SV2B: variants seen among roughly 807,000 people sequenced by gnomAD.
The protein encoded by SV2B is synaptic vesicle glycoprotein 2B, also known as solute carrier family 22 member B2.
SV2B carries 41 observed loss-of-function variants against 73.9 expected under a neutral mutation model. The observed-to-expected ratio is 0.56, with a 90% CI of 0.43 to 0.72. The LOEUF (loss-of-function observed/expected upper bound fraction) is 0.72. SV2B is among the 30% of genes least tolerant of loss of function. The pLI, the probability that SV2B is intolerant of heterozygous loss-of-function variation, is 0.00. For missense variants in SV2B, 764 were observed against 857.8 expected (o/e 0.89, Z 1.37); for synonymous variants, 314 against 314.2 (o/e 1.00, Z 0.01).
chr15:91,234,231 C>T lies in SV2B; in HGVS notation c.451+7517C>T, dbSNP rs1249638621. Among the ~76,000 whole-genome samples, 1 of 152,206 alleles carries T rather than the reference C, an allele frequency of 6.6e-6. No homozygotes were observed. Among genetic ancestry groups the T allele is most frequent in the African/African-American group, 2.4e-5 (1 of 41,444 alleles). ...ATTTTTCATTTCAGACTTACTCACC[C>T]TCACTTGGAGGGTTCAGAGGACACA... On this transcript the variant is annotated intron_variant, in intron 2 of 12. Coordinates refer to ENST00000394232, the MANE Select transcript of SV2B (RefSeq NM_001323032.3). The surrounding 1 kb of genome is among the most constrained non-coding windows in gnomAD (Gnocchi z 5.6).
In SV2B at chr15:91,284,269, T is replaced by G. The variant is rs1199237055; in HGVS notation, c.1708+48T>G. The G allele has an allele frequency of 1.9e-6, 3 of 1,597,730 alleles. No homozygotes were observed. Among genetic ancestry groups the G allele is most frequent in the Non-Finnish European group, 2.6e-6 (3 of 1,166,226 alleles). ...CCTGGGTTCCAACGCGCTGGGGTGG[T>G]GACTTTCAAGTGTATTAAACAGGGA... is the stretch of plus-strand genomic sequence containing the variant. On this transcript the variant is annotated intron_variant, in intron 11 of 12. Coordinates refer to ENST00000394232, the MANE Select transcript of SV2B (RefSeq NM_001323032.3). The surrounding 1 kb of genome is among the most constrained non-coding windows in gnomAD (Gnocchi z 4.5).
chr15:91,131,453 G>A (rs2042646583), intron 1 of SV2B, among the ~76,000 whole-genome samples: 1 of 152,056 alleles, frequency 6.6e-6, no homozygotes, highest in Non-Finnish European at 1.5e-5. Context: ...GTGTGTGTAT[G>A]TGTATATGTA....
At chr15:91,181,286 G>C (rs1301455160) in intron 1 of SV2B, among the ~76,000 whole-genome samples, 1 of 150,256 alleles carries the variant, frequency 6.7e-6, no homozygotes, top group Non-Finnish European at 1.5e-5. Context: ...GGCCATATGA[G>C]GTGTCAGTCT....
rs2048056755 is a variant in SV2B at position 91,265,141 on chromosome 15, C to T, written c.1009-1441C>T. On this transcript the variant is annotated intron_variant, in intron 6 of 12. Transcript: ENST00000394232. This position sits in a 1 kb window ranked among gnomAD's most constrained non-coding sequence, Gnocchi z 4.2. ...TTACCTGTTTTACTCCTGTGCGTGT[C>T]CCATCAGCAGACGTGCTCATAGATG... 6.6e-6 allele frequency among the ~76,000 whole-genome samples: 1 copy of T among 152,172 alleles called. No homozygotes were observed. The highest frequency in any genetic ancestry group is 1.5e-5 in the Non-Finnish European group (1 of 68,034).
At chr15:91,193,589 T>C (rs2045128763) in intron 1 of SV2B, among the ~76,000 whole-genome samples, 1 of 152,154 alleles carries the variant, frequency 6.6e-6, no homozygotes, top group South Asian at 2.1e-4. Context: ...TTTGAAGGCC[T>C]TTGAAGACAT....
In SV2B at chr15:91,177,836, A is replaced by G. The variant is rs1303318746; in HGVS notation, c.-391-48037A>G. On this transcript the variant is annotated intron_variant, in intron 1 of 12. Coordinates refer to ENST00000394232, the MANE Select transcript of SV2B (RefSeq NM_001323032.3). ...CTAGATATACAATCATGTCATCTGC[A>G]AACAGGGACAATTTGACTTCCTCTT... 9.2e-3 allele frequency among the ~76,000 whole-genome samples: 1,297 copies of G among 141,388 alleles called. 24 individuals are homozygous for G. The highest frequency in any genetic ancestry group is 0.034 in the African/African-American group (1,189 of 34,598). The allele number at this position is 141,388 out of a possible 152,430, so 92.8% of individuals were successfully genotyped here.
At chr15:91,248,271 A>G (rs1596683587) in intron 2 of SV2B, among the ~76,000 whole-genome samples, 1 of 152,314 alleles carries the variant, frequency 6.6e-6, no homozygotes, top group African/African-American at 2.4e-5. Flanking sequence ...CAGTGAGCCG[A>G]GATCGTGCCA....
At chr15:91,113,319 GC>G (rs1253503430) in intron 1 of SV2B, among the ~76,000 whole-genome samples, 23 of 152,266 alleles carry the variant, frequency 1.5e-4, no homozygotes, top group African/African-American at 5.3e-4. Context: ...TCATCTATTG[GC>G]TGCCCCTGCA....
chr15:91,253,521 C>G lies in SV2B; in HGVS notation c.784+1001C>G, dbSNP rs1772390818. ...ACACTGGGTACATTACCTTGACAAGCTGATAAACCCTGAAATCTCAGTGTT... is the reference window on the plus strand; with the variant it reads ...ACACTGGGTACATTACCTTGACAAGGTGATAAACCCTGAAATCTCAGTGTT... On this transcript the variant is annotated intron_variant, in intron 4 of 12. Transcript: ENST00000394232. This position sits in a 1 kb window ranked among gnomAD's most constrained non-coding sequence, Gnocchi z 5.0. Among the ~76,000 whole-genome samples the G allele has an allele frequency of 6.6e-6, 1 of 152,212 alleles. No homozygotes were observed. The highest frequency in any genetic ancestry group is 1.5e-5 in the Non-Finnish European group (1 of 68,026).
chr15:91,204,556 CTTTT>C (rs568973449), intron 1 of SV2B, among the ~76,000 whole-genome samples: 3 of 127,808 alleles, frequency 2.3e-5, no homozygotes, highest in Admixed American at 7.8e-5. Context: ...TCTTCTTCTT[CTTTT>C]TTTTTTTTTT....
chr15:91,276,987 AT>A (rs1461748151), intron 9 of SV2B, among the ~76,000 whole-genome samples: 10 of 151,892 alleles, frequency 6.6e-5, no homozygotes, highest in Non-Finnish European at 1.5e-4. Flanking sequence ...CACCTGGCTA[AT>A]TTTTTGTATT....
chr15:91,198,195 G>A (rs773692989), intron 1 of SV2B, among the ~76,000 whole-genome samples: 3 of 152,134 alleles, frequency 2.0e-5, no homozygotes, highest in Non-Finnish European at 2.9e-5. Context: ...TGTTTTGAGA[G>A]CAAAAGGCCG....
rs1384037218 is a variant in SV2B, at chr15:91,241,164, T to A, written c.452-10655T>A. ...CTGGTCTGTCGTTTCCTTAAAGTCC[T>A]CTCCAATCTTTAGACTTTTAACCTC... On this transcript the variant is annotated intron_variant, in intron 2 of 12. Transcript: ENST00000394232. This position sits in a 1 kb window ranked among gnomAD's most constrained non-coding sequence, Gnocchi z 4.8. Among the ~76,000 whole-genome samples, 1 of 152,218 alleles carries A rather than the reference T, an allele frequency of 6.6e-6. No individual in the cohort carries two copies. The highest frequency in any genetic ancestry group is 1.9e-4 in the East Asian group (1 of 5,204).
intron 1 of SV2B, among the ~76,000 whole-genome samples, chr15:91,172,398 A>C (rs2044153214): frequency 6.6e-6 from 1 of 152,216 alleles, no homozygotes; most frequent in Non-Finnish European, 1.5e-5. Context: ...CACGGGGCCT[A>C]CTGAGATACA....
intron 1 of SV2B, among the ~76,000 whole-genome samples, chr15:91,176,343 A>G (rs202242362): frequency 0.35 from 52,656 of 150,418 alleles, 10,262 homozygotes; most frequent in African/African-American, 0.48. Context: ...TAGTGCCGCA[A>G]TAAACATACA....
In SV2B at chr15:91,281,619, C is replaced by T. The variant is rs558621206; in HGVS notation, c.1374-109C>T. On this transcript the variant is annotated intron_variant, in intron 9 of 12. Transcript: ENST00000394232. The surrounding 1 kb of genome is among the most constrained non-coding windows in gnomAD (Gnocchi z 4.7). ...GTCTGGGTTGAAAATAATGCTCTGG[C>T]ACCTTTTGCTTGCACATCTCCTTTT... is the stretch of plus-strand genomic sequence containing the variant. 27 of 1,289,244 alleles carry T rather than the reference C, an allele frequency of 2.1e-5. No homozygotes were observed. The highest frequency in any genetic ancestry group is 2.5e-5 in the Non-Finnish European group (24 of 941,246). 79.9% of individuals were successfully genotyped at this position (1,289,244 alleles called of 1,614,324 possible).
chr15:91,127,726 T>A (rs1596448956), intron 1 of SV2B, among the ~76,000 whole-genome samples: 1 of 151,234 alleles, frequency 6.6e-6, no homozygotes, highest in South Asian at 2.1e-4. Context: ...GCAGGAGGAG[T>A]GAGACATGTG....
intron 2 of SV2B, among the ~76,000 whole-genome samples, chr15:91,248,805 T>C (rs1157895181): frequency 6.6e-6 from 1 of 152,204 alleles, no homozygotes; most frequent in African/African-American, 2.4e-5. Flanking sequence ...AGGTGATTTA[T>C]GTGCACAGTA....
Position 91,124,265 on chromosome 15 carries a change from T to C in SV2B, c.-392+23902T>C, listed in dbSNP as rs1025765085. On this transcript the variant is annotated intron_variant, in intron 1 of 12. Coordinates refer to ENST00000394232, the MANE Select transcript of SV2B (RefSeq NM_001323032.3). The surrounding 1 kb of genome is among the most constrained non-coding windows in gnomAD (Gnocchi z 4.6). ...CCTCGGGGAAGTCACGAATCTGTCA[T>C]TTGCGATTTTAGTTTTTGTGTCTGT... Among the ~76,000 whole-genome samples the C allele has an allele frequency of 6.6e-6, 1 of 152,202 alleles. No individual in the cohort carries two copies. The highest frequency in any genetic ancestry group is 1.5e-5 in the Non-Finnish European group (1 of 68,042).
Sources: allele counts gnomAD v4.1 joint callset (sites outside exome capture counted in the v4.1 genomes callset), GRCh38; gene constraint gnomAD v4.1.1; non-coding constraint Gnocchi (gnomAD v3.1); transcripts MANE v1.5; gene names NCBI Gene and HGNC (gene_info 2026-07-23, HGNC 2026-07-21).